POLD3: variants seen among roughly 807,000 people sequenced by gnomAD.
POLD3 encodes DNA polymerase delta 3, accessory subunit.
Under a neutral mutation model 58.2 loss-of-function variants are expected in POLD3, and 19 were observed. The observed-to-expected ratio is 0.33, with a 90% CI of 0.23 to 0.48. The LOEUF (loss-of-function observed/expected upper bound fraction) is 0.48. POLD3 is among the 20% of genes least tolerant of loss of function. The pLI is 0.99. For missense variants in POLD3, 504 were observed against 545.5 expected, an observed-to-expected ratio of 0.92 and a Z score of 0.76; for synonymous variants, 172 against 193.5, an observed-to-expected ratio of 0.89 and a Z score of 0.92.
chr11:74,647,611 A>G (rs2033015850), downstream of POLD3, among the ~76,000 whole-genome samples: 1 of 152,340 alleles, frequency 6.6e-6, no homozygotes, highest in Admixed American at 6.5e-5. Flanking sequence ...GGCTTGAGTC[A>G]TTAAATGCTT....
At chr11:74,617,488 G>A (rs2032114322) in intron 5 of POLD3, among the ~76,000 whole-genome samples, 3 of 152,076 alleles carry the variant, frequency 2.0e-5, no homozygotes, top group Non-Finnish European at 4.4e-5. Context: ...TGCAACCTCT[G>A]CCTCCTGGGT....
rs115552217 is a variant in POLD3 at position 74,628,446 on chromosome 11, A to G, written c.900-771A>G. Among the ~76,000 whole-genome samples, 229 of 152,268 alleles carry G rather than the reference A, an allele frequency of 1.5e-3. 1 individual carries two copies. The highest frequency in any genetic ancestry group is 5.0e-3 in the African/African-American group (206 of 41,554). On this transcript the variant is annotated intron_variant, in intron 8 of 11. Coordinates refer to ENST00000263681, the MANE Select transcript of POLD3 (RefSeq NM_006591.3). ...GTTGGTATTTAAAGTTATATAGGAC[A>G]TAAGGTACTTGATGGCAAAGATTAT...
intron 4 of POLD3, among the ~76,000 whole-genome samples, chr11:74,657,121 C>T (rs4944055): frequency 0.82 from 124,286 of 151,838 alleles, 51,035 homozygotes; most frequent in Middle Eastern, 0.94. Context: ...AATTTCCATT[C>T]GCATGGAATA....
chr11:74,657,410 A>AT (rs547491206), intron 4 of POLD3, among the ~76,000 whole-genome samples: 16 of 151,600 alleles, frequency 1.1e-4, no homozygotes, highest in African/African-American at 3.9e-4. Flanking sequence ...CTTGCTTTTT[A>AT]TTTTTTGTAT....
At chr11:74,602,226 G>A (rs1371211305) in intron 2 of POLD3, among the ~76,000 whole-genome samples, 2 of 152,082 alleles carry the variant, frequency 1.3e-5, no homozygotes, top group African/African-American at 4.8e-5. Context: ...TTACAGGCGT[G>A]AGCCACCACA....
At chr11:74,599,136 G>A (rs1258651313) in intron 2 of POLD3, among the ~76,000 whole-genome samples, 1 of 152,114 alleles carries the variant, frequency 6.6e-6, no homozygotes, top group East Asian at 1.9e-4. Flanking sequence ...AGGCTTAAGG[G>A]ATACTCCCAC....
intron 2 of POLD3, among the ~76,000 whole-genome samples, chr11:74,598,954 A>G (rs962038486): frequency 6.6e-6 from 1 of 152,252 alleles, no homozygotes; most frequent in Non-Finnish European, 1.5e-5. Flanking sequence ...TTTGGAAAAT[A>G]TAACATGCCA....
chr11:74,636,232 C>T lies in POLD3; in HGVS notation c.1155C>T (p.Arg385=), dbSNP rs1049213237. The T allele has an allele frequency of 7.5e-6, 12 of 1,609,858 alleles. No individual in the cohort carries two copies. Among genetic ancestry groups the T allele is most frequent in the African/African-American group, 2.7e-5 (2 of 74,810 alleles). Residue 385 remains arginine (R), a synonymous_variant, in exon 11 of 12, where the codon CGC becomes CGT. Transcript: ENST00000263681. The stretch of plus-strand genomic sequence containing the variant: ...GAGAAAACAAAAGAAAACGAAAACG[C>T]GTACTAAAATCTAAAACTTACCTGG... The part of the protein sequence containing the change: ...SSGENKRKRK[R]VLKSKTYLDG...
intron 2 of POLD3, among the ~76,000 whole-genome samples, chr11:74,600,250 C>T (rs1468776209): frequency 2.0e-5 from 3 of 152,078 alleles, no homozygotes; most frequent in Admixed American, 2.0e-4. Context: ...AGCCTGTTGT[C>T]ATTCTTATTT....
chr11:74,640,948 C>T lies in POLD3; in HGVS notation c.*182C>T. ...TAACCAAAAGGAAATCATCTGGAAG[C>T]AGGAGGCAAAAAGCTGTTACCTTCT... On this transcript the variant is annotated 3_prime_UTR_variant, in exon 12 of 12. Transcript: ENST00000263681. 1 of 1,264,862 alleles carries T rather than the reference C, an allele frequency of 7.9e-7. No homozygotes were observed. Among genetic ancestry groups the T allele is most frequent in the East Asian group, 3.2e-5 (1 of 31,584 alleles). 78.4% of individuals were successfully genotyped at this position (1,264,862 alleles called of 1,614,324 possible).
At chr11:74,630,527 T>A (rs964884068) in intron 9 of POLD3, among the ~76,000 whole-genome samples, 1 of 152,094 alleles carries the variant, frequency 6.6e-6, no homozygotes, top group Non-Finnish European at 1.5e-5. Context: ...CTTCCGTGGG[T>A]TTTAGTGGCT....
chr11:74,592,640 G>T lies in POLD3; in HGVS notation c.-19G>T. On this transcript the variant is annotated 5_prime_UTR_variant, in exon 1 of 12. Coordinates refer to ENST00000263681, the MANE Select transcript of POLD3 (RefSeq NM_006591.3). ...TGATTGAGAGAGGGGTTAGAGGCGG[G>T]TCCCAGCGCTGCCGCACCATGGCGG... is the stretch of plus-strand genomic sequence containing the variant. 1 of 1,604,974 alleles carries T rather than the reference G, an allele frequency of 6.2e-7. No homozygotes were observed. The highest frequency in any genetic ancestry group is 8.5e-7 in the Non-Finnish European group (1 of 1,175,178).
chr11:74,604,410 G>T (rs1437569011), intron 2 of POLD3, among the ~76,000 whole-genome samples: 1 of 152,104 alleles, frequency 6.6e-6, no homozygotes, highest in Non-Finnish European at 1.5e-5. Flanking sequence ...CATTGCCACT[G>T]TTTTAATGCA....
chr11:74,628,184 C>G (rs932135435), intron 8 of POLD3, among the ~76,000 whole-genome samples: 6 of 152,028 alleles, frequency 3.9e-5, no homozygotes, highest in African/African-American at 1.4e-4. Flanking sequence ...GTTTGTAGAA[C>G]CTGTACTCGA....
chr11:74,655,284 C>T (rs1042894789), intron 4 of POLD3, among the ~76,000 whole-genome samples: 7 of 152,298 alleles, frequency 4.6e-5, no homozygotes, highest in South Asian at 4.1e-4. Context: ...AATTTAAGAA[C>T]GGAAATGAAA....
chr11:74,624,674 G>A (rs2032376910), intron 7 of POLD3, among the ~76,000 whole-genome samples: 1 of 152,150 alleles, frequency 6.6e-6, no homozygotes. Flanking sequence ...AGGCCTGTTT[G>A]CATTTCTTAG....
intron 4 of POLD3, among the ~76,000 whole-genome samples, chr11:74,662,981 C>T (rs142054408): frequency 3.9e-5 from 6 of 152,260 alleles, no homozygotes; most frequent in Non-Finnish European, 7.4e-5. Context: ...ACTCTCCCTC[C>T]CCCAACCACA....
intron 9 of POLD3, among the ~76,000 whole-genome samples, chr11:74,631,477 CTTTTTT>C (rs1158260012): frequency 2.7e-5 from 3 of 110,294 alleles, no homozygotes; most frequent in South Asian, 3.0e-4. Context: ...TTTGTCTTGT[CTTTTTT>C]TTTTTTTTTT....
chr11:74,661,893 G>T (rs2033210764), intron 4 of POLD3, among the ~76,000 whole-genome samples: 1 of 152,214 alleles, frequency 6.6e-6, no homozygotes. Context: ...CTGAACTCAT[G>T]CTACGAGACA....
Sources: gnomAD v4.1 joint callset for allele counts (sites outside exome capture counted in the v4.1 genomes callset) on GRCh38, gnomAD v4.1.1 for gene constraint, MANE v1.5 for transcripts, NCBI Gene and HGNC (gene_info 2026-07-23, HGNC 2026-07-21) for gene names.